Variants in AFG2A observed in about 807,000 individuals in gnomAD.
AFG2A encodes the protein ATPase family gene 2 protein homolog A.
chr4:122,971,679 A>T, the AFG2A span, among the ~76,000 whole-genome samples: 2 of 151,926 alleles, frequency 1.3e-5, no homozygotes, highest in East Asian at 1.9e-4. Context: ...AATATTAAGA[A>T]TTTTTTTTGT....
At chr4:123,132,926 G>A in the AFG2A span, among the ~76,000 whole-genome samples, 20 of 151,756 alleles carry the variant, frequency 1.3e-4, no homozygotes, top group African/African-American at 2.9e-4. Flanking sequence ...GACTACAGGC[G>A]CCCACCACCA....
chr4:122,938,007 TTATAA>T, the AFG2A span: 1 of 1,014,400 alleles, frequency 9.9e-7, no homozygotes, highest in African/African-American at 1.6e-5. Flanking sequence ...TATAATATCT[TTATAA>T]TATTAAGTGA....
the AFG2A span, among the ~76,000 whole-genome samples, chr4:123,153,971 C>T: frequency 6.6e-6 from 1 of 152,118 alleles, no homozygotes; most frequent in Non-Finnish European, 1.5e-5. Context: ...GCAAAAATAT[C>T]CCTTAACATA....
the AFG2A span, among the ~76,000 whole-genome samples, chr4:123,234,265 C>G: frequency 7.4e-3 from 1,128 of 152,136 alleles, 5 homozygotes; most frequent in Middle Eastern, 0.044. Context: ...AAAATTAAAC[C>G]TTAGTTCACA....
At chr4:123,306,650 G>A in the AFG2A span, among the ~76,000 whole-genome samples, 1 of 151,880 alleles carries the variant, frequency 6.6e-6, no homozygotes, top group Non-Finnish European at 1.5e-5. Context: ...CTGCCTCCCG[G>A]GTTCAAGTGA....
chr4:123,112,927 T>C, the AFG2A span, among the ~76,000 whole-genome samples: 4 of 152,220 alleles, frequency 2.6e-5, no homozygotes, highest in Non-Finnish European at 5.9e-5. Flanking sequence ...TTTAAAGGCT[T>C]ATACTTAAGA....
chr4:123,002,911 G>T, the AFG2A span, among the ~76,000 whole-genome samples: 10 of 152,108 alleles, frequency 6.6e-5, no homozygotes, highest in East Asian at 1.9e-4. Flanking sequence ...TTCCAACTTG[G>T]TTTCATTCTC....
the AFG2A span, among the ~76,000 whole-genome samples, chr4:123,300,313 T>G: frequency 0.022 from 3,415 of 152,290 alleles, 125 homozygotes; most frequent in African/African-American, 0.077. Context: ...TAATGAAAAT[T>G]TGGCCTATGT....
chr4:122,946,063 G>A, the AFG2A span, among the ~76,000 whole-genome samples: 1 of 152,164 alleles, frequency 6.6e-6, no homozygotes, highest in African/African-American at 2.4e-5. Flanking sequence ...ATAGAGTTGT[G>A]AGGACAGACT....
the AFG2A span, among the ~76,000 whole-genome samples, chr4:123,185,976 T>C: frequency 6.6e-6 from 1 of 152,202 alleles, no homozygotes; most frequent in African/African-American, 2.4e-5. Flanking sequence ...AGGGGACTTT[T>C]GTTAGGTCAA....
the AFG2A span, among the ~76,000 whole-genome samples, chr4:123,310,386 AGTTC>A: frequency 6.6e-6 from 1 of 152,240 alleles, no homozygotes; most frequent in Non-Finnish European, 1.5e-5. Flanking sequence ...TACTGAGGCT[AGTTC>A]AATGTAATCC....
chr4:123,280,122 G>A, the AFG2A span, among the ~76,000 whole-genome samples: 1 of 152,000 alleles, frequency 6.6e-6, no homozygotes. Context: ...AGTAGACCTG[G>A]GTTCCAATCC....
the AFG2A span, among the ~76,000 whole-genome samples, chr4:123,211,193 G>A: frequency 5.3e-5 from 8 of 152,176 alleles, no homozygotes; most frequent in South Asian, 4.1e-4. Context: ...CCTAGTCTCC[G>A]AAGACCATCT....
chr4:123,136,605 T>C, the AFG2A span, among the ~76,000 whole-genome samples: 1 of 150,276 alleles, frequency 6.7e-6, no homozygotes, highest in Admixed American at 6.6e-5. Context: ...ACACGAGAGG[T>C]GGAGCTTGCA....
At chr4:123,148,615 T>TA in the AFG2A span, among the ~76,000 whole-genome samples, 27 of 152,284 alleles carry the variant, frequency 1.8e-4, no homozygotes, top group Admixed American at 1.8e-3. Context: ...GGCCCACTGA[T>TA]ACCACCACCA....
chr4:123,299,661 T>A, the AFG2A span, among the ~76,000 whole-genome samples: 1 of 152,222 alleles, frequency 6.6e-6, no homozygotes, highest in South Asian at 2.1e-4. Context: ...CTTTGTTTGT[T>A]TGTTTGATGG....
chr4:123,119,803 G>A, the AFG2A span, among the ~76,000 whole-genome samples: 1 of 152,126 alleles, frequency 6.6e-6, no homozygotes, highest in African/African-American at 2.4e-5. Flanking sequence ...CTGAGGCTGG[G>A]TAATTTATAA....
chr4:123,132,241 T>C, the AFG2A span, among the ~76,000 whole-genome samples: 1 of 152,192 alleles, frequency 6.6e-6, no homozygotes, highest in Non-Finnish European at 1.5e-5. Context: ...CTTTAATACT[T>C]ATTCATCTTG....
At chr4:122,971,413 A>G in the AFG2A span, among the ~76,000 whole-genome samples, 6,204 of 152,314 alleles carry the variant, frequency 0.041, 408 homozygotes, top group African/African-American at 0.14. Flanking sequence ...TCTCAAAAAA[A>G]CCACAAAAAA....
Sources: allele counts gnomAD v4.1 joint callset (sites outside exome capture counted in the v4.1 genomes callset), GRCh38; gene constraint gnomAD v4.1.1; transcripts MANE v1.5; gene names NCBI Gene and HGNC (gene_info 2026-07-23, HGNC 2026-07-21).